The following COL4A6 variants were observed in gnomAD, a reference collection of about 807,000 sequenced individuals.
The protein encoded by COL4A6 is collagen type IV alpha 6 chain.
A neutral mutation model predicts 126.7 loss-of-function variants in COL4A6; 59 were observed. That is an observed-to-expected ratio of 0.47 (90% CI 0.38 to 0.58). The LOEUF (loss-of-function observed/expected upper bound fraction) is 0.58. Ranked by LOEUF, COL4A6 falls within the 20% of genes least tolerant of loss-of-function variation. The pLI is 0.00. For synonymous variants in COL4A6, 547 were observed against 496.6 expected, an observed-to-expected ratio of 1.10 and a Z score of -1.35; for missense variants, 1,285 against 1,337.3, an observed-to-expected ratio of 0.96 and a Z score of 0.61.
chrX:108,281,895 A>G (rs999534851), intron 3 of COL4A6, among the ~76,000 whole-genome samples: 1 of 110,879 alleles, frequency 9.0e-6, no homozygotes, highest in Admixed American at 9.6e-5. Context: ...AGCAATGGGG[A>G]AAGGATTCCC....
intron 3 of COL4A6, among the ~76,000 whole-genome samples, chrX:108,294,697 A>G (rs1408420299): frequency 1.8e-5 from 2 of 111,301 alleles, no homozygotes; most frequent in Non-Finnish European, 3.8e-5. Context: ...GTGCTATGGG[A>G]GCTTTGCAAA....
chrX:108,188,085 C>A, intron 21 of COL4A6, 58 bp from the exon 22 acceptor site: 1 of 996,978 alleles, frequency 1.0e-6, no homozygotes, highest in South Asian at 2.4e-5. Flanking sequence ...CATAGAATTC[C>A]GGCACCTAGC....
At chrX:108,403,001 T>C (rs1343014664) in intron 2 of COL4A6, among the ~76,000 whole-genome samples, 1 of 111,825 alleles carries the variant, frequency 8.9e-6, no homozygotes, top group African/African-American at 3.2e-5. Context: ...TAATTTTTTA[T>C]CTGCTTGAAG....
intron 31 of COL4A6, among the ~76,000 whole-genome samples, chrX:108,173,973 C>G (rs750756): frequency 8.9e-6 from 1 of 112,622 alleles, no homozygotes; most frequent in East Asian, 2.8e-4. Context: ...TACAATGTGC[C>G]AGGCTCAACA....
At chrX:108,406,723 T>G (rs2041215480) in intron 2 of COL4A6, among the ~76,000 whole-genome samples, 1 of 112,391 alleles carries the variant, frequency 8.9e-6, no homozygotes, top group Non-Finnish European at 1.9e-5. Context: ...TCACCCCTTT[T>G]CCTGGATAAC....
At chrX:108,313,811 T>C (rs982479025) in intron 2 of COL4A6, among the ~76,000 whole-genome samples, 5 of 112,246 alleles carry the variant, frequency 4.5e-5, no homozygotes, top group African/African-American at 1.6e-4. Context: ...CTATAGAGAA[T>C]TATTATGAAT....
intron 19 of COL4A6, 146 bp downstream of exon 19, chrX:108,191,247 G>A (rs1602761837): frequency 6.0e-6 from 4 of 666,227 alleles, no homozygotes; most frequent in Admixed American, 3.1e-5. Context: ...CAGAGACGAC[G>A]GGGCCTTCAT....
chrX:108,290,220 G>T (rs1438707595), intron 3 of COL4A6, among the ~76,000 whole-genome samples: 1 of 112,135 alleles, frequency 8.9e-6, no homozygotes, highest in Non-Finnish European at 1.9e-5. Flanking sequence ...GAAGAAGGAA[G>T]TTTACTGTAA....
chrX:108,282,426 G>T (rs2037866290), intron 3 of COL4A6, among the ~76,000 whole-genome samples: 1 of 111,150 alleles, frequency 9.0e-6, no homozygotes, highest in Admixed American at 9.6e-5. Flanking sequence ...TCAGAGAAAT[G>T]CAAATCAAAA....
intron 3 of COL4A6, among the ~76,000 whole-genome samples, chrX:108,294,171 C>T (rs899422660): frequency 2.7e-5 from 3 of 111,839 alleles, no homozygotes; most frequent in Admixed American, 1.9e-4. Context: ...CTGAGGCTTA[C>T]AGGGGTCAAC....
chrX:108,380,339 C>A (rs1201969413), intron 2 of COL4A6, among the ~76,000 whole-genome samples: 1 of 112,173 alleles, frequency 8.9e-6, no homozygotes, highest in East Asian at 2.8e-4. Flanking sequence ...AAAAGTTTAA[C>A]TGAATCACTT....
rs776980311 is a variant in COL4A6 at position 108,192,561 on chromosome X, A to T, written c.1092T>A (p.Gly364=). 3 of 1,197,812 alleles carry T rather than the reference A, an allele frequency of 2.5e-6. No individual in the cohort carries two copies. The highest frequency in any genetic ancestry group is 3.4e-6 in the Non-Finnish European group (3 of 885,078). The change falls in exon 18 of 45, where the codon GGT becomes GGA. Residue 364 remains glycine, a synonymous_variant. Transcript: ENST00000334504. ...CTTTAAGGCCTGGGAGGCCAGGTAC[A>T]CCAGGATCTCCAGGATTACCTGGCA... ...AVISGNPGDP[G]VPGLPGLKGD...
chrX:108,311,830 C>T (rs1410022798), intron 2 of COL4A6, among the ~76,000 whole-genome samples: 3 of 111,791 alleles, frequency 2.7e-5, no homozygotes, highest in African/African-American at 9.8e-5. Flanking sequence ...TTTTGTCCAA[C>T]ACTGCATCTC....
intron 4 of COL4A6, 39 bp downstream of exon 4, chrX:108,221,201 C>G: frequency 4.1e-6 from 5 of 1,206,297 alleles, no homozygotes; most frequent in Non-Finnish European, 5.6e-6. Context: ...ACATTTGTGG[C>G]CCATGCATCA....
chrX:108,325,069 A>C (rs1295959573), intron 2 of COL4A6, among the ~76,000 whole-genome samples: 2 of 112,015 alleles, frequency 1.8e-5, no homozygotes, highest in Non-Finnish European at 3.8e-5. Context: ...AACAGCCCTA[A>C]TCCCTTCTCA....
intron 21 of COL4A6, 72 bp from the exon 22 acceptor site, chrX:108,188,099 A>G: frequency 1.1e-6 from 1 of 921,972 alleles, no homozygotes; most frequent in Non-Finnish European, 1.5e-6. Context: ...ACCTAGCATT[A>G]TGACTTAGAG....
At chrX:108,305,122 C>A (rs1474995058) in intron 3 of COL4A6, among the ~76,000 whole-genome samples, 2 of 111,717 alleles carry the variant, frequency 1.8e-5, no homozygotes, top group African/African-American at 3.3e-5. Context: ...CCCAGCCTGG[C>A]AGATCATGGA....
At chrX:108,297,278 T>A (rs145472226) in intron 3 of COL4A6, among the ~76,000 whole-genome samples, 3,352 of 111,898 alleles carry the variant, frequency 0.03, 120 homozygotes, top group African/African-American at 0.1. Flanking sequence ...TTTAATTATC[T>A]TAACAACCCT....
intron 2 of COL4A6, among the ~76,000 whole-genome samples, chrX:108,380,313 T>A (rs2040534955): frequency 1.8e-5 from 2 of 112,507 alleles, no homozygotes; most frequent in Admixed American, 1.9e-4. Flanking sequence ...AATAGCTGAA[T>A]TGCCATTTAA....
Sources: gnomAD v4.1 joint callset for allele counts (sites outside exome capture counted in the v4.1 genomes callset) on GRCh38, gnomAD v4.1.1 for gene constraint, MANE v1.5 for transcripts, NCBI Gene and HGNC (gene_info 2026-07-23, HGNC 2026-07-21) for gene names.